Variants in GLB1 observed in about 807,000 individuals in gnomAD.
The protein encoded by GLB1 is galactosidase beta 1, also known as beta-galactosidase.
GLB1 carries 56 observed loss-of-function variants against 74.0 expected under a neutral mutation model. That is an observed-to-expected ratio of 0.76 (90% CI 0.61 to 0.94). GLB1 has a LOEUF of 0.94. GLB1 is among the 40% of genes least tolerant of loss of function. The pLI is 0.00. For missense variants in GLB1, 787 were observed against 845.5 expected (o/e 0.93, Z 0.86); for synonymous variants, 323 against 323.6 (o/e 1.00, Z 0.02).
At chr3:33,005,668 A>AT (rs954067905) in intron 15 of GLB1, among the ~76,000 whole-genome samples, 14 of 152,026 alleles carry the variant, frequency 9.2e-5, no homozygotes, top group African/African-American at 2.9e-4. Flanking sequence ...TAATTCAAAA[A>AT]TTTTTTTTGT....
chr3:33,052,042 T>C, intron 7 of GLB1, 38 bp from the exon 8 acceptor site: 4 of 1,610,378 alleles, frequency 2.5e-6, no homozygotes, highest in Non-Finnish European at 3.4e-6. Context: ...AGGATAGACT[T>C]ATGACCTTCC....
intron 15 of GLB1, among the ~76,000 whole-genome samples, chr3:33,002,343 CCCTCCCTT>C (rs1164300705): frequency 8.7e-6 from 1 of 115,162 alleles, no homozygotes; most frequent in Non-Finnish European, 1.9e-5. Flanking sequence ...CTCCCTCCCT[CCCTCCCTT>C]CCTTCCTTCC....
At chr3:33,037,048 ATT>A (rs71070114) in intron 10 of GLB1, among the ~76,000 whole-genome samples, 69 of 144,062 alleles carry the variant, frequency 4.8e-4, no homozygotes, top group Middle Eastern at 3.5e-3. Context: ...ACCACAATTA[ATT>A]TTTTTTTTTT....
At chr3:32,990,789 C>T in the GLB1 span, among the ~76,000 whole-genome samples, 6 of 152,072 alleles carry the variant, frequency 3.9e-5, no homozygotes, top group South Asian at 6.2e-4. Flanking sequence ...CTGGCTAACA[C>T]GGTGAAACCC....
intron 10 of GLB1, among the ~76,000 whole-genome samples, chr3:33,030,356 G>C (rs1697953929): frequency 6.6e-6 from 1 of 152,158 alleles, no homozygotes; most frequent in South Asian, 2.1e-4. Flanking sequence ...CTGGGAGAGG[G>C]ACTAGAAAAG....
chr3:32,985,060 A>C, the GLB1 span, among the ~76,000 whole-genome samples: 4 of 145,858 alleles, frequency 2.7e-5, no homozygotes, highest in African/African-American at 5.1e-5. Flanking sequence ...AGCTGTGTTC[A>C]TGCCACTGCA....
chr3:33,038,216 A>G (rs1698362769), intron 10 of GLB1, among the ~76,000 whole-genome samples: 1 of 152,160 alleles, frequency 6.6e-6, no homozygotes, highest in Non-Finnish European at 1.5e-5. Flanking sequence ...ACCATGGTAG[A>G]CTTATCACTC....
At chr3:33,084,767 C>G (rs1044407501) in intron 1 of GLB1, among the ~76,000 whole-genome samples, 1 of 152,010 alleles carries the variant, frequency 6.6e-6, no homozygotes, top group Admixed American at 6.6e-5. Flanking sequence ...TAAAAACATA[C>G]AGATCTAACT....
At chr3:33,056,141 T>TG (rs1699206614) in intron 6 of GLB1, among the ~76,000 whole-genome samples, 1 of 138,056 alleles carries the variant, frequency 7.2e-6, no homozygotes, top group African/African-American at 2.7e-5. Context: ...GGTAGGAGAA[T>TG]GCTTGAACCC....
rs149556134 is a variant in GLB1, at chr3:33,093,665, G to A, written c.75+3346C>T. 1.1e-4 allele frequency: 176 copies of A among 1,614,008 alleles called. No homozygotes were observed. The highest frequency in any genetic ancestry group is 1.6e-4 in the Middle Eastern group (1 of 6,082). ...GCGCGGCATTCAGAATCCCGGCCAC[G>A]CTGAGCACAGCAGTCACTCCCACTG... is the stretch of plus-strand genomic sequence containing the variant. On this transcript the variant is annotated intron_variant, in intron 1 of 15. Transcript: ENST00000307363. This position sits in a 1 kb window ranked among gnomAD's most constrained non-coding sequence, Gnocchi z 6.0.
chr3:33,087,815 C>T (rs2125577119), intron 1 of GLB1, among the ~76,000 whole-genome samples: 1 of 152,188 alleles, frequency 6.6e-6, no homozygotes, highest in East Asian at 1.9e-4. Flanking sequence ...AAGAAAACTA[C>T]AGAACAATAA....
chr3:33,014,359 G>C (rs1559382471), intron 14 of GLB1, 49 bp from the exon 15 acceptor site: 2 of 1,603,194 alleles, frequency 1.2e-6, no homozygotes, highest in Middle Eastern at 1.8e-4. Context: ...AAGGAAAAAG[G>C]CTTCACATGT....
the GLB1 span, among the ~76,000 whole-genome samples, chr3:32,977,224 T>TG: frequency 4.0e-5 from 6 of 151,542 alleles, no homozygotes; most frequent in South Asian, 1.3e-3. Flanking sequence ...TTTTTTTTTT[T>TG]GAGACAGAGT....
At chr3:33,035,431 C>CAA (rs373440841) in intron 10 of GLB1, among the ~76,000 whole-genome samples, 1 of 145,518 alleles carries the variant, frequency 6.9e-6, no homozygotes, top group African/African-American at 2.5e-5. Flanking sequence ...GACACTGTCT[C>CAA]AAAAAAAAAA....
At position 33,057,941 on chromosome 3, in the gene GLB1, C is replaced by CA. The variant is rs1219324781; in HGVS notation, c.733+147dup. On this transcript the variant is annotated intron_variant, in intron 6 of 15. Coordinates refer to ENST00000307363, the MANE Select transcript of GLB1 (RefSeq NM_000404.4). Reference sequence around the variant, plus strand: ...GATAACCCTCTGTTACTGAGGGGTGCAAGTATTCTATTCTACCTGTTCCTT... The same window carrying CA: ...GATAACCCTCTGTTACTGAGGGGTGCAAAGTATTCTATTCTACCTGTTCCTT... 12 of 1,072,936 alleles carry CA rather than the reference C, an allele frequency of 1.1e-5. No homozygotes were observed. In the African/African-American group the frequency reaches 1.4e-4, roughly 13 times the overall value. The allele number at this position is 1,072,936 out of a possible 1,614,324, so 66.5% of individuals were successfully genotyped here.
the GLB1 span, among the ~76,000 whole-genome samples, chr3:32,977,283 T>TCTCGGCTCACC: frequency 6.6e-6 from 1 of 150,752 alleles, no homozygotes; most frequent in Non-Finnish European, 1.5e-5. Flanking sequence ...CTCGGCTCAC[T>TCTCGGCTCACC]GCAATCTCCA....
the GLB1 span, among the ~76,000 whole-genome samples, chr3:32,970,847 A>G: frequency 3.3e-4 from 50 of 152,308 alleles, no homozygotes; most frequent in African/African-American, 1.1e-3. Context: ...CTCTTACCCT[A>G]TGAATTCTGG....
rs774894435 is a variant in GLB1, at chr3:33,018,571, A to C, written c.1234-10T>G. 81 of 1,613,920 alleles carry C rather than the reference A, an allele frequency of 5.0e-5. No individual in the cohort carries two copies. Among genetic ancestry groups the C allele is most frequent in the Non-Finnish European group, 6.8e-5 (80 of 1,179,954 alleles). ...GCACAAACCCATAATGCTGGTTAGA[A>C]AAGGATTTAAGAAAAATACATCACT... On this transcript the variant is annotated splice_polypyrimidine_tract_variant and intron_variant, in intron 12 of 15. Transcript: ENST00000307363.
At chr3:32,974,676 A>G in the GLB1 span, among the ~76,000 whole-genome samples, 4 of 152,314 alleles carry the variant, frequency 2.6e-5, no homozygotes, top group South Asian at 2.1e-4. Context: ...AAACCTGGCC[A>G]TCTTGAGACC....
Sources: allele counts gnomAD v4.1 joint callset (sites outside exome capture counted in the v4.1 genomes callset), GRCh38; gene constraint gnomAD v4.1.1; non-coding constraint Gnocchi (gnomAD v3.1); transcripts MANE v1.5; gene names NCBI Gene and HGNC (gene_info 2026-07-23, HGNC 2026-07-21).